PTPRD: variants seen among roughly 807,000 people sequenced by gnomAD.
The protein encoded by PTPRD is protein tyrosine phosphatase receptor type D, also known as receptor-type tyrosine-protein phosphatase delta.
In PTPRD, 34 loss-of-function variants were observed where a neutral mutation model predicts 214.5. The observed-to-expected ratio is 0.16, with a 90% CI of 0.12 to 0.21. The LOEUF (loss-of-function observed/expected upper bound fraction) is 0.21. PTPRD is among the 10% of genes least tolerant of loss of function. The pLI, the probability that PTPRD is intolerant of heterozygous loss-of-function variation, is 1.00. For synonymous variants in PTPRD, 1,128 were observed against 845.7 expected, an observed-to-expected ratio of 1.33 and a Z score of -5.79; for missense variants, 2,545 against 2,398.7, an observed-to-expected ratio of 1.06 and a Z score of -1.27.
chr9:10,575,752 GTC>G (rs910568821), intron 2 of PTPRD, among the ~76,000 whole-genome samples: 15 of 151,658 alleles, frequency 9.9e-5, no homozygotes, highest in African/African-American at 3.6e-4. Flanking sequence ...TCTAGCTCCA[GTC>G]TCTCTCTCTC....
At position 8,507,293 on chromosome 9, in the gene PTPRD, A is replaced by C; in HGVS notation, c.1677+8T>G. 1 of 1,613,310 alleles carries C rather than the reference A, an allele frequency of 6.2e-7. No individual in the cohort carries two copies. On this transcript the variant is annotated splice_region_variant and intron_variant, in intron 22 of 45. Transcript: ENST00000381196. ...TAATTCCCAAGGTGAGAAGCACTAT[A>C]GTCTTACCTCCTCTCCATGCTCCCC...
At chr9:9,949,092 G>A (rs2093153830) in intron 4 of PTPRD, among the ~76,000 whole-genome samples, 1 of 152,034 alleles carries the variant, frequency 6.6e-6, no homozygotes. Flanking sequence ...CTCAAAATCA[G>A]AGAAAGTTCA....
intron 10 of PTPRD, among the ~76,000 whole-genome samples, chr9:9,093,681 T>C (rs2099779498): frequency 6.6e-6 from 1 of 151,634 alleles, no homozygotes; most frequent in African/African-American, 2.4e-5. Flanking sequence ...GGGGGGCGGA[T>C]GTAGCTAAAC....
rs182131176 is a variant in PTPRD at position 8,331,214 on chromosome 9, C to A, written c.5534+368G>T. Among the ~76,000 whole-genome samples the A allele has an allele frequency of 7.0e-4, 105 of 149,034 alleles. 1 individual carries two copies. Among genetic ancestry groups the A allele is most frequent in the African/African-American group, 2.5e-3 (96 of 38,626 alleles). On this transcript the variant is annotated intron_variant, in intron 44 of 45. Transcript: ENST00000381196. ...TTGATAGCTATTCATGAGGTTTTCA[C>A]AAACAGAAGAAAGACAGTTATCAGT...
At chr9:9,178,678 C>T (rs117759013) in intron 10 of PTPRD, among the ~76,000 whole-genome samples, 12 of 152,176 alleles carry the variant, frequency 7.9e-5, no homozygotes, top group Non-Finnish European at 1.6e-4. Flanking sequence ...CCATACAAGT[C>T]ATTACATTTT....
chr9:10,332,921 C>A (rs2096777620), intron 3 of PTPRD, among the ~76,000 whole-genome samples: 1 of 151,824 alleles, frequency 6.6e-6, no homozygotes, highest in South Asian at 2.1e-4. Flanking sequence ...CACCTTTTAA[C>A]ATACAATTGT....
chr9:9,242,204 C>T lies in PTPRD; in HGVS notation c.-202-58841G>A, dbSNP rs577982751. Among the ~76,000 whole-genome samples, 8 of 152,202 alleles carry T rather than the reference C, an allele frequency of 5.3e-5. No homozygotes were observed. In the South Asian group the frequency reaches 6.2e-4, roughly 12 times the overall value. On this transcript the variant is annotated intron_variant, in intron 9 of 45. Transcript: ENST00000381196. ...CTCTTCTGGCTTGTAGAGTTTCTGC[C>T]GAGAAATCAGCTGTTAGTCTGATGG... is the stretch of plus-strand genomic sequence containing the variant.
At chr9:9,125,712 C>T (rs1230390406) in intron 10 of PTPRD, among the ~76,000 whole-genome samples, 1 of 152,176 alleles carries the variant, frequency 6.6e-6, no homozygotes, top group African/African-American at 2.4e-5. Flanking sequence ...TACTATGTTT[C>T]AAGCACTAGG....
chr9:8,975,431 A>T (rs1334136604), intron 11 of PTPRD, among the ~76,000 whole-genome samples: 1 of 152,110 alleles, frequency 6.6e-6, no homozygotes, highest in Non-Finnish European at 1.5e-5. Flanking sequence ...TAATTGATTC[A>T]TTTAATCTCT....
At chr9:8,795,756 G>C (rs931194813) in intron 11 of PTPRD, among the ~76,000 whole-genome samples, 27 of 152,214 alleles carry the variant, frequency 1.8e-4, no homozygotes, top group African/African-American at 6.3e-4. Context: ...GTGGAAACGC[G>C]TAAAATTCTA....
At chr9:9,951,384 A>G (rs980458529) in intron 4 of PTPRD, among the ~76,000 whole-genome samples, 46 of 152,232 alleles carry the variant, frequency 3.0e-4, no homozygotes, top group African/African-American at 1.1e-3. Context: ...GTAGGCCTGT[A>G]AACACCATCT....
At chr9:8,844,840 T>C (rs1009128623) in intron 11 of PTPRD, among the ~76,000 whole-genome samples, 2 of 152,146 alleles carry the variant, frequency 1.3e-5, no homozygotes, top group Admixed American at 6.5e-5. Context: ...ACTTTGGTAG[T>C]TGGTGTTATT....
chr9:10,064,390 T>C (rs910152591), intron 3 of PTPRD, among the ~76,000 whole-genome samples: 6 of 152,010 alleles, frequency 3.9e-5, no homozygotes, highest in African/African-American at 1.4e-4. Flanking sequence ...ATGAAAAACA[T>C]GAGAAGACTA....
At chr9:10,029,850 C>G (rs935917460) in intron 4 of PTPRD, among the ~76,000 whole-genome samples, 1 of 152,038 alleles carries the variant, frequency 6.6e-6, no homozygotes, top group Non-Finnish European at 1.5e-5. Flanking sequence ...TGGGAGGGGC[C>G]AGGGACAGAA....
rs368959290 is a variant in PTPRD, at chr9:9,423,907, T to C, written c.-236-26425A>G. ...CGAGAAACAATGAAAAGGTCTAACA[T>C]ACTTTTAGCTGGAATCCTAGCAGAG... On this transcript the variant is annotated intron_variant, in intron 8 of 45. Transcript: ENST00000381196. Among the ~76,000 whole-genome samples the C allele has an allele frequency of 1.9e-4, 29 of 152,302 alleles. No homozygotes were observed. The East Asian group carries it at 4.1e-3, about 21-fold the overall frequency.
intron 3 of PTPRD, among the ~76,000 whole-genome samples, chr9:10,146,303 A>G (rs553429521): frequency 5.3e-4 from 80 of 152,164 alleles, no homozygotes; most frequent in African/African-American, 1.8e-3. Flanking sequence ...ATTTAGTGAT[A>G]CTATCTAGGC....
At chr9:9,920,616 C>T (rs1403473197) in intron 5 of PTPRD, among the ~76,000 whole-genome samples, 2 of 152,100 alleles carry the variant, frequency 1.3e-5, no homozygotes, top group Admixed American at 1.3e-4. Context: ...ACCATGGTAG[C>T]CCCTAGTGGT....
intron 11 of PTPRD, among the ~76,000 whole-genome samples, chr9:8,849,162 CAAA>C (rs997684190): frequency 2.1e-5 from 3 of 140,036 alleles, no homozygotes; most frequent in East Asian, 4.4e-4. Context: ...CTACTCAACT[CAAA>C]AAAAAATTTT....
chr9:9,475,958 T>C (rs2095003367), intron 8 of PTPRD, among the ~76,000 whole-genome samples: 1 of 152,108 alleles, frequency 6.6e-6, no homozygotes, highest in Admixed American at 6.5e-5. Context: ...ACTTCTTAAA[T>C]TAAAATCTTA....
Sources: allele counts gnomAD v4.1 joint callset (sites outside exome capture counted in the v4.1 genomes callset), GRCh38; gene constraint gnomAD v4.1.1; transcripts MANE v1.5; gene names NCBI Gene and HGNC (gene_info 2026-07-23, HGNC 2026-07-21).